Variants in FGGY observed in about 807,000 individuals in gnomAD.
FGGY encodes FGGY carbohydrate kinase domain containing.
FGGY carries 72 observed loss-of-function variants against 71.3 expected under a neutral mutation model. The observed-to-expected ratio is 1.01, with a 90% confidence interval of 0.84 to 1.23. The LOEUF (loss-of-function observed/expected upper bound fraction) is 1.23, where lower values mean the gene tolerates loss of function less well. FGGY is among the 50% of genes most tolerant of loss of function. The pLI, the probability that FGGY is intolerant of heterozygous loss-of-function variation, is 0.00. For missense variants in FGGY, 668 were observed against 682.3 expected (o/e 0.98, Z 0.23); for synonymous variants, 251 against 250.3 (o/e 1.00, Z -0.02).
chr1:59,533,685 G>A (rs1285624523), intron 7 of FGGY, among the ~76,000 whole-genome samples: 1 of 151,350 alleles, frequency 6.6e-6, no homozygotes, highest in African/African-American at 2.4e-5. Context: ...GTGGGTCCCT[G>A]ACCCCTGAAC....
intron 6 of FGGY, among the ~76,000 whole-genome samples, chr1:59,469,044 A>G (rs1277027919): frequency 6.6e-6 from 1 of 152,070 alleles, no homozygotes; most frequent in Non-Finnish European, 1.5e-5. Context: ...ATCTGGCTAG[A>G]CTTTGGAACC....
intron 9 of FGGY, among the ~76,000 whole-genome samples, chr1:59,617,261 A>G (rs766961633): frequency 1.3e-5 from 2 of 151,940 alleles, no homozygotes; most frequent in African/African-American, 2.4e-5. Flanking sequence ...AGAAGAAACA[A>G]TAGAAAAAAA....
chr1:59,721,337 G>GTTTTTGTTTTTTTTTTTTTTTTTTTT (rs2097891651), intron 14 of FGGY, among the ~76,000 whole-genome samples: 1 of 105,376 alleles, frequency 9.5e-6, no homozygotes, highest in African/African-American at 4.2e-5. Flanking sequence ...TCTTTCCTTT[G>GTTTTTGTTTTTTTTTTTTTTTTTTTT]TTTTTTTTTT....
chr1:59,718,963 A>G (rs1329872064), intron 14 of FGGY, among the ~76,000 whole-genome samples: 1 of 152,138 alleles, frequency 6.6e-6, no homozygotes, highest in Non-Finnish European at 1.5e-5. Flanking sequence ...TCCTTCTCAG[A>G]ACAATTGACT....
At chr1:59,661,693 GTTTTGTTTTTGT>G (rs370165720) in intron 12 of FGGY, among the ~76,000 whole-genome samples, 5,801 of 148,046 alleles carry the variant, frequency 0.039, 227 homozygotes, top group African/African-American at 0.1. Flanking sequence ...TTAAGAGGGT[GTTTTGTTTTTGT>G]TTTTGTTTTT....
chr1:59,616,559 C>G (rs925816238), intron 9 of FGGY, among the ~76,000 whole-genome samples: 6 of 151,976 alleles, frequency 3.9e-5, no homozygotes, highest in Non-Finnish European at 7.4e-5. Flanking sequence ...TGCCGCACAC[C>G]AATATGGCAC....
intron 14 of FGGY, among the ~76,000 whole-genome samples, chr1:59,723,358 G>A (rs78402262): frequency 5.3e-5 from 8 of 151,988 alleles, no homozygotes; most frequent in East Asian, 3.9e-4. Context: ...ATTCTAACTC[G>A]CTCTCCTTGC....
At chr1:59,710,832 C>CA (rs1334766916) in intron 14 of FGGY, among the ~76,000 whole-genome samples, 2 of 152,160 alleles carry the variant, frequency 1.3e-5, no homozygotes, top group African/African-American at 4.8e-5. Context: ...AACACTTTTA[C>CA]ACTGTTTTTG....
At chr1:59,440,659 C>T (rs2069613478) in intron 5 of FGGY, among the ~76,000 whole-genome samples, 1 of 146,556 alleles carries the variant, frequency 6.8e-6, no homozygotes, top group Non-Finnish European at 1.5e-5. Flanking sequence ...ATCCTTGCAT[C>T]TAGTGTGCAG....
intron 7 of FGGY, among the ~76,000 whole-genome samples, chr1:59,545,543 T>C (rs1219531495): frequency 1.3e-5 from 2 of 152,230 alleles, no homozygotes; most frequent in African/African-American, 4.8e-5. Context: ...GAAAGGAATT[T>C]CTGACATCAA....
chr1:59,394,599 G>C (rs981299995), intron 5 of FGGY, among the ~76,000 whole-genome samples: 1 of 152,152 alleles, frequency 6.6e-6, no homozygotes, highest in Non-Finnish European at 1.5e-5. Context: ...TCCTGCTGCT[G>C]TTTTTATTAT....
At chr1:59,468,099 C>G (rs2092740978) in intron 6 of FGGY, among the ~76,000 whole-genome samples, 1 of 151,974 alleles carries the variant, frequency 6.6e-6, no homozygotes, top group African/African-American at 2.4e-5. Flanking sequence ...GACGGGGTTG[C>G]TCTATGTTGG....
At chr1:59,585,216 A>G (rs2096263956) in intron 8 of FGGY, among the ~76,000 whole-genome samples, 2 of 152,208 alleles carry the variant, frequency 1.3e-5, no homozygotes, top group Non-Finnish European at 2.9e-5. Context: ...TGCCAAGTCA[A>G]TCCTAAGCCA....
At chr1:59,700,675 C>G (rs541127897) in intron 14 of FGGY, among the ~76,000 whole-genome samples, 7 of 152,158 alleles carry the variant, frequency 4.6e-5, no homozygotes, top group Non-Finnish European at 8.8e-5. Context: ...AACACCTGCC[C>G]TCATAGAACT....
intron 14 of FGGY, among the ~76,000 whole-genome samples, chr1:59,681,399 C>CTTTT (rs1376632007): frequency 5.3e-5 from 8 of 152,132 alleles, no homozygotes; most frequent in Non-Finnish European, 7.4e-5. Flanking sequence ...CAACCAAGGG[C>CTTTT]TAAACATCTA....
chr1:59,659,315 G>C (rs2097253221), intron 11 of FGGY, among the ~76,000 whole-genome samples: 1 of 152,184 alleles, frequency 6.6e-6, no homozygotes, highest in Non-Finnish European at 1.5e-5. Context: ...GTAATTAAAT[G>C]GGGCCAGAGA....
chr1:59,519,129 A>G (rs999503801), intron 7 of FGGY, among the ~76,000 whole-genome samples: 1 of 152,228 alleles, frequency 6.6e-6, no homozygotes, highest in African/African-American at 2.4e-5. Context: ...TGAGCTACAC[A>G]GTTAAATGAG....
chr1:59,491,142 C>CCTTT (rs1409245742), intron 6 of FGGY, among the ~76,000 whole-genome samples: 1 of 34,844 alleles, frequency 2.9e-5, no homozygotes, highest in South Asian at 7.3e-4. Flanking sequence ...TTCCTTCCTT[C>CCTTT]CTTTCTCTCT....
At chr1:59,427,130 A>C (rs906976921) in intron 5 of FGGY, among the ~76,000 whole-genome samples, 2 of 152,228 alleles carry the variant, frequency 1.3e-5, no homozygotes, top group Non-Finnish European at 2.9e-5. Context: ...CCCTTTGGAA[A>C]GAGGGCACAT....
Sources: gnomAD v4.1 joint callset for allele counts (sites outside exome capture counted in the v4.1 genomes callset) on GRCh38, gnomAD v4.1.1 for gene constraint, MANE v1.5 for transcripts, NCBI Gene and HGNC (gene_info 2026-07-23, HGNC 2026-07-21) for gene names.